The following CARM1 variants were observed in gnomAD, a reference collection of about 807,000 sequenced individuals.
The protein encoded by CARM1 is coactivator associated arginine methyltransferase 1.
CARM1 carries 14 observed loss-of-function variants against 72.7 expected under a neutral mutation model. That is an observed-to-expected ratio of 0.19 (90% CI 0.13 to 0.30). CARM1 has a LOEUF of 0.30. Ranked by LOEUF, CARM1 falls within the 10% of genes least tolerant of loss-of-function variation. The pLI, the probability that CARM1 is intolerant of heterozygous loss-of-function variation, is 1.00. For synonymous variants in CARM1, 333 were observed against 345.5 expected (o/e 0.96, Z 0.40); for missense variants, 432 against 833.7 (o/e 0.52, Z 5.93).
intron 1 of CARM1, among the ~76,000 whole-genome samples, chr19:10,883,133 C>T (rs1251934630): frequency 6.6e-6 from 1 of 152,200 alleles, no homozygotes; most frequent in Admixed American, 6.5e-5. Flanking sequence ...GGAGCCTCAC[C>T]TTGGGACCTT....
rs2073821069 is a variant in CARM1 at position 10,871,858 on chromosome 19, G to A, written c.156G>A (p.Glu52=). The A allele has an allele frequency of 2.3e-6, 3 of 1,290,406 alleles. No homozygotes were observed. Among genetic ancestry groups the A allele is most frequent in the South Asian group, 4.1e-5 (2 of 49,342 alleles). The allele number at this position is 1,290,406 out of a possible 1,614,324, so 79.9% of individuals were successfully genotyped here. A position where few individuals can be genotyped will look rare whatever the true frequency, so the allele number is the denominator to read the frequency against. The change falls in exon 1 of 16, where the codon GAG becomes GAA. Residue 52 remains glutamate, a synonymous_variant. Coordinates refer to ENST00000327064, the MANE Select transcript of CARM1 (RefSeq NM_199141.2). This position sits in a 1 kb window ranked among gnomAD's most constrained non-coding sequence, Gnocchi z 5.6. ...DANGEIQRHA[E]QQALRLEVRA... The stretch of plus-strand genomic sequence containing the variant: ...ACGGCGAGATCCAGCGGCACGCGGA[G>A]CAGCAGGCGCTGCGCCTCGAGGTGC...
Position 10,920,470 on chromosome 19 carries a change from C to T in CARM1, c.1231C>T (p.Pro411Ser). 1 of 1,613,646 alleles carries T rather than the reference C, an allele frequency of 6.2e-7. No individual in the cohort carries two copies. Among genetic ancestry groups the T allele is most frequent in the Non-Finnish European group, 8.5e-7 (1 of 1,179,686 alleles). ...GTGGCTGTCCACAGCCCCGACAGAGCCCCTGACCCACTGGTACCAGGTGCG... is the reference window on the plus strand; with the variant it reads ...GTGGCTGTCCACAGCCCCGACAGAGTCCCTGACCCACTGGTACCAGGTGCG... ...TVWLSTAPTE[P>S]LTHWYQVRCL... The change falls in exon 11 of 16, where the codon CCC (proline) becomes TCC (serine). Residue 411 changes from proline to serine, a missense_variant. This residue lies in a region of CARM1 where 152 missense variants were observed against 452.8 expected (regional missense o/e 0.34). Coordinates refer to ENST00000327064, the MANE Select transcript of CARM1 (RefSeq NM_199141.2). The surrounding 1 kb of genome is among the most constrained non-coding windows in gnomAD (Gnocchi z 5.3).
At chr19:10,910,533 G>A (rs1337290013) in intron 4 of CARM1, among the ~76,000 whole-genome samples, 3 of 151,202 alleles carry the variant, frequency 2.0e-5, no homozygotes, top group Admixed American at 1.3e-4. Context: ...CCATTTGCCA[G>A]AGTTTTTGGT....
chr19:10,914,587 C>T (rs931685733), intron 6 of CARM1, among the ~76,000 whole-genome samples: 25 of 152,190 alleles, frequency 1.6e-4, no homozygotes, highest in African/African-American at 5.8e-4. Flanking sequence ...CAGAGTTTCA[C>T]TCTTGTTGCC....
intron 1 of CARM1, among the ~76,000 whole-genome samples, chr19:10,903,664 G>A (rs2074082595): frequency 6.6e-6 from 1 of 151,470 alleles, no homozygotes; most frequent in African/African-American, 2.4e-5. Context: ...GGGCTCAAGC[G>A]ATCCTCCCAC....
chr19:10,900,242 G>A (rs910786292), intron 1 of CARM1, among the ~76,000 whole-genome samples: 1 of 152,132 alleles, frequency 6.6e-6, no homozygotes, highest in Non-Finnish European at 1.5e-5. Flanking sequence ...AGCCTGGGAG[G>A]TCAAGAGCTG....
chr19:10,882,697 A>G (rs902822414), intron 1 of CARM1, among the ~76,000 whole-genome samples: 4 of 152,024 alleles, frequency 2.6e-5, no homozygotes, highest in Non-Finnish European at 5.9e-5. Flanking sequence ...ATGTGACACC[A>G]TGCCCGGCTA....
chr19:10,871,643 G>A lies in CARM1; in HGVS notation c.-60G>A, dbSNP rs919736893. 22,666 of 141,918 alleles carry A rather than the reference G, an allele frequency of 0.16. 1,844 individuals carry two copies. Among genetic ancestry groups the A allele is most frequent in the Middle Eastern group, 0.24 (57 of 236 alleles). 8.8% of individuals were successfully genotyped at this position (141,918 alleles called of 1,614,324 possible). A position where few individuals can be genotyped will look rare whatever the true frequency, so the allele number is the denominator to read the frequency against. ...CGGCGGCGGCGGCGGCGGCGGCAGC[G>A]GCGGCGGCCTGGGCCCGGGCGCAGC... On this transcript the variant is annotated 5_prime_UTR_variant, in exon 1 of 16. Coordinates refer to ENST00000327064, the MANE Select transcript of CARM1 (RefSeq NM_199141.2). This position sits in a 1 kb window ranked among gnomAD's most constrained non-coding sequence, Gnocchi z 5.6.
chr19:10,875,927 C>T (rs1219367313), intron 1 of CARM1, among the ~76,000 whole-genome samples: 4 of 149,786 alleles, frequency 2.7e-5, no homozygotes, highest in South Asian at 2.1e-4. Flanking sequence ...AGTGCAATGG[C>T]GTGATCTCGG....
At chr19:10,879,303 G>A (rs1032572065) in intron 1 of CARM1, among the ~76,000 whole-genome samples, 17 of 152,222 alleles carry the variant, frequency 1.1e-4, no homozygotes, top group Non-Finnish European at 1.5e-4. Flanking sequence ...TTGTTGGCTA[G>A]AATGTAGTCA....
intron 1 of CARM1, among the ~76,000 whole-genome samples, chr19:10,890,840 T>C: frequency 7.2e-6 from 1 of 139,020 alleles, no homozygotes; most frequent in South Asian, 2.4e-4. Flanking sequence ...GCTCTATCCT[T>C]CCTGAAGTCC....
At position 10,896,741 on chromosome 19, in the gene CARM1, T is replaced by C. The variant is rs2074026670; in HGVS notation, c.221-8210T>C. Among the ~76,000 whole-genome samples the C allele has an allele frequency of 2.0e-5, 3 of 152,206 alleles. No homozygotes were observed. Among genetic ancestry groups the C allele is most frequent in the African/African-American group, 7.2e-5 (3 of 41,448 alleles). Reference sequence around the variant, plus strand: ...TCTGTCCCCAGTCTCCTTCCCAGGCTGGGTCAGGTGCCACCTCCAGGCACC... The same window carrying C: ...TCTGTCCCCAGTCTCCTTCCCAGGCCGGGTCAGGTGCCACCTCCAGGCACC... On this transcript the variant is annotated intron_variant, in intron 1 of 15. Coordinates refer to ENST00000327064, the MANE Select transcript of CARM1 (RefSeq NM_199141.2). This position sits in a 1 kb window ranked among gnomAD's most constrained non-coding sequence, Gnocchi z 5.2.
intron 1 of CARM1, among the ~76,000 whole-genome samples, chr19:10,897,403 G>T (rs1323417785): frequency 6.6e-6 from 1 of 152,168 alleles, no homozygotes; most frequent in Non-Finnish European, 1.5e-5. Context: ...GCAGCTGGGG[G>T]TTTGTGACCT....
intron 1 of CARM1, among the ~76,000 whole-genome samples, chr19:10,895,816 C>T (rs1227171763): frequency 6.6e-6 from 1 of 152,134 alleles, no homozygotes; most frequent in African/African-American, 2.4e-5. Flanking sequence ...GTCAGGTAGG[C>T]ATTAAATAAT....
Position 10,871,979 on chromosome 19 carries a change from G to C in CARM1, c.220+57G>C. The C allele has an allele frequency of 8.7e-7, 1 of 1,155,666 alleles. No individual in the cohort carries two copies. 71.6% of individuals were successfully genotyped at this position (1,155,666 alleles called of 1,614,324 possible). A position where few individuals can be genotyped will look rare whatever the true frequency, so the allele number is the denominator to read the frequency against. ...CCGGGGCTGCTCACGAGGCCGGCCC[G>C]GGGCGGGGGCCGGCGGGGAGGGGCC... On this transcript the variant is annotated intron_variant, in intron 1 of 15. Coordinates refer to ENST00000327064, the MANE Select transcript of CARM1 (RefSeq NM_199141.2). This position sits in a 1 kb window ranked among gnomAD's most constrained non-coding sequence, Gnocchi z 5.6.
At chr19:10,910,631 T>C (rs1368494451) in intron 4 of CARM1, among the ~76,000 whole-genome samples, 2 of 149,040 alleles carry the variant, frequency 1.3e-5, no homozygotes, top group African/African-American at 4.9e-5. Flanking sequence ...AGTGACACAA[T>C]CTCGGCTCAC....
chr19:10,918,508 C>T (rs577906144), intron 8 of CARM1, among the ~76,000 whole-genome samples: 1 of 152,326 alleles, frequency 6.6e-6, no homozygotes, highest in Admixed American at 6.5e-5. Flanking sequence ...TAGGCATAAG[C>T]CACTGCACCT....
Position 10,921,920 on chromosome 19 carries a change from T to C in CARM1, c.*163T>C. 4.6e-6 allele frequency: 3 copies of C among 656,362 alleles called. No homozygotes were observed. The highest frequency in any genetic ancestry group is 2.1e-5 in the South Asian group (1 of 48,426). The allele number at this position is 656,362 out of a possible 1,614,324, so 40.7% of individuals were successfully genotyped here. On this transcript the variant is annotated 3_prime_UTR_variant, in exon 16 of 16. Transcript: ENST00000327064. ...ACTTTTTTACACGATGTTGCCGCCG[T>C]CCCCACCCTAACCCCCACCTCCCGG...
chr19:10,921,318 G>A, intron 14 of CARM1, 57 bp from the exon 15 acceptor site: 1 of 1,590,752 alleles, frequency 6.3e-7, no homozygotes, highest in Non-Finnish European at 8.6e-7. Flanking sequence ...CATGGGCTGG[G>A]TGGCTGGGGG....
Sources: allele counts gnomAD v4.1 joint callset (sites outside exome capture counted in the v4.1 genomes callset), GRCh38; gene constraint gnomAD v4.1.1; regional missense constraint gnomAD v4.1.1; non-coding constraint Gnocchi (gnomAD v3.1); transcripts MANE v1.5; gene names NCBI Gene and HGNC (gene_info 2026-07-23, HGNC 2026-07-21).